The following ARHGAP21 variants were observed in gnomAD, a reference collection of about 807,000 sequenced individuals.
ARHGAP21 encodes Rho GTPase activating protein 21.
Under a neutral mutation model 164.6 loss-of-function variants are expected in ARHGAP21, and 38 were observed. That is an observed-to-expected ratio of 0.23 (90% CI 0.18 to 0.30). The LOEUF (loss-of-function observed/expected upper bound fraction) is 0.30. ARHGAP21 is among the 10% of genes least tolerant of loss of function. The probability of loss-of-function intolerance (pLI) is 1.00; values close to 1 mark genes in which losing one functional copy is unlikely to be tolerated. For missense variants in ARHGAP21, 1,822 were observed against 2,370.7 expected (o/e 0.77, Z 4.81); for synonymous variants, 766 against 857.9 (o/e 0.89, Z 1.87).
chr10:24,631,325 T>C (rs1226575744), intron 6 of ARHGAP21, among the ~76,000 whole-genome samples: 1 of 152,132 alleles, frequency 6.6e-6, no homozygotes, highest in East Asian at 1.9e-4. Context: ...GATCATGCCA[T>C]TGCATTCCAG....
intron 13 of ARHGAP21, 113 bp downstream of exon 13, chr10:24,601,865 T>C (rs2076827410): frequency 8.1e-7 from 1 of 1,240,090 alleles, no homozygotes; most frequent in Non-Finnish European, 1.0e-6. Context: ...ATAAATGGTT[T>C]TTTTTTTCAC....
At chr10:24,690,075 CATT>C (rs1842633011) in intron 2 of ARHGAP21, among the ~76,000 whole-genome samples, 1 of 151,864 alleles carries the variant, frequency 6.6e-6, no homozygotes, top group Non-Finnish European at 1.5e-5. Flanking sequence ...ATACCTACAT[CATT>C]ATTTTTAAAG....
intron 16 of ARHGAP21, 74 bp downstream of exon 16, chr10:24,597,373 G>A: frequency 6.5e-7 from 1 of 1,545,056 alleles, no homozygotes; most frequent in Non-Finnish European, 8.8e-7. Context: ...AAATGGTACA[G>A]AAAACATAAA....
chr10:24,702,053 C>G (rs149707381), intron 2 of ARHGAP21, among the ~76,000 whole-genome samples: 24 of 151,876 alleles, frequency 1.6e-4, no homozygotes, highest in Admixed American at 3.9e-4. Context: ...CATTCAACCC[C>G]TATTTCTAAA....
intron 2 of ARHGAP21, among the ~76,000 whole-genome samples, chr10:24,684,141 G>A (rs1448691912): frequency 6.6e-6 from 1 of 152,072 alleles, no homozygotes; most frequent in Non-Finnish European, 1.5e-5. Flanking sequence ...ACAAAAATTA[G>A]CTGGGCGTGG....
At position 24,619,959 on chromosome 10, in the gene ARHGAP21, T is replaced by C. The variant is rs775620851; in HGVS notation, c.1936A>G (p.Ile646Val). 2 of 1,614,080 alleles carry C rather than the reference T, an allele frequency of 1.2e-6. No homozygotes were observed. Among genetic ancestry groups the C allele is most frequent in the Non-Finnish European group, 1.7e-6 (2 of 1,179,954 alleles). The change falls in exon 9 of 26, where the codon ATC becomes GTC. Residue 646 changes from isoleucine (I) to valine (V), a missense_variant. By Grantham distance (29) the Ile-to-Val change is conservative. Around this residue, in one of 5 missense-constraint regions of ARHGAP21, gnomAD observed 1,090 missense variants for 1,378.9 expected, o/e 0.79. Coordinates refer to ENST00000396432, the MANE Select transcript of ARHGAP21 (RefSeq NM_020824.4). Reference protein sequence around the residue: ...PSFSQKSFVSIKDQRPVNHLH... With the variant: ...PSFSQKSFVSVKDQRPVNHLH... ...TGATTTACTGGTCTTTGGTCTTTGA[T>C]AGAAACAAATGATTTCTGGCTAAAT...
intron 2 of ARHGAP21, among the ~76,000 whole-genome samples, chr10:24,682,040 G>A (rs1321589190): frequency 6.6e-6 from 1 of 151,300 alleles, no homozygotes; most frequent in South Asian, 2.1e-4. Context: ...TCATATTCTT[G>A]TTAAGAAGAT....
chr10:24,649,640 T>A (rs953874254), intron 4 of ARHGAP21, among the ~76,000 whole-genome samples: 1 of 152,072 alleles, frequency 6.6e-6, no homozygotes, highest in Non-Finnish European at 1.5e-5. Context: ...AGAAGAGATT[T>A]TTTGTCTTAG....
At chr10:24,715,882 G>C (rs910145806) in intron 2 of ARHGAP21, among the ~76,000 whole-genome samples, 1 of 152,054 alleles carries the variant, frequency 6.6e-6, no homozygotes, top group African/African-American at 2.4e-5. Flanking sequence ...GCTGGCACAC[G>C]CCTGTAATCC....
chr10:24,592,122 G>C (rs1046037195), intron 21 of ARHGAP21, 110 bp from the exon 22 acceptor site: 3 of 820,704 alleles, frequency 3.7e-6, no homozygotes, highest in Admixed American at 3.2e-5. Context: ...AAATAGCTTT[G>C]ATGTAGATTA....
chr10:24,624,958 C>T (rs1834950615), intron 7 of ARHGAP21, among the ~76,000 whole-genome samples: 1 of 142,874 alleles, frequency 7.0e-6, no homozygotes, highest in African/African-American at 2.6e-5. Context: ...TTAAGTATTA[C>T]ACCTTTTGGA....
rs1355533321 is a variant in ARHGAP21, at chr10:24,722,092, G to A, written c.-193C>T. The stretch of plus-strand genomic sequence containing the variant: ...CCTTCAAATGCCTCGCTGATTTCTC[G>A]TGACTTCAACTGACTTCGCCTTCTT... On this transcript the variant is annotated 5_prime_UTR_variant, in exon 2 of 26. It adds an upstream start codon to the 5' untranslated region. Coordinates refer to ENST00000396432, the MANE Select transcript of ARHGAP21 (RefSeq NM_020824.4). The A allele has an allele frequency of 1.6e-6, 1 of 626,834 alleles. No homozygotes were observed. The highest frequency in any genetic ancestry group is 2.9e-6 in the Non-Finnish European group (1 of 346,164). The allele number at this position is 626,834 out of a possible 1,614,324, so 38.8% of individuals were successfully genotyped here. A position where few individuals can be genotyped will look rare whatever the true frequency, so the allele number is the denominator to read the frequency against.
intron 2 of ARHGAP21, among the ~76,000 whole-genome samples, chr10:24,718,032 A>G (rs563123042): frequency 6.6e-6 from 1 of 152,142 alleles, no homozygotes; most frequent in African/African-American, 2.4e-5. Context: ...GACAAGGCTA[A>G]GTTATTGGGA....
Position 24,620,772 on chromosome 10 carries a change from G to A in ARHGAP21, c.1123C>T (p.His375Tyr). The change falls in exon 9 of 26, where the codon CAC (histidine) becomes TAC (tyrosine). Residue 375 changes from histidine to tyrosine, a missense_variant. By Grantham distance (83) the His-to-Tyr change is moderately conservative (BLOSUM62 2). Transcript: ENST00000396432. The part of the protein sequence containing the change: ...AVEAPSVSVN[H>Y]YSPNSHQHID... ...TGCTGATGGGAATTTGGCGAATAGT[G>A]ATTAACAGATACAGAGGGAGCCTCC... 1 of 1,614,156 alleles carries A rather than the reference G, an allele frequency of 6.2e-7. No individual in the cohort carries two copies. The highest frequency in any genetic ancestry group is 8.5e-7 in the Non-Finnish European group (1 of 1,180,040).
At chr10:24,587,466 A>AAATTTAGGCTGTTCTATCAAAG (rs1278459428) in intron 25 of ARHGAP21, among the ~76,000 whole-genome samples, 1 of 152,106 alleles carries the variant, frequency 6.6e-6, no homozygotes, top group African/African-American at 2.4e-5. Flanking sequence ...CTTAAAGTAA[A>AAATTTAGGCTGTTCTATCAAAG]AATTTAGGCT....
chr10:24,703,514 C>G (rs1843914932), intron 2 of ARHGAP21, among the ~76,000 whole-genome samples: 1 of 152,164 alleles, frequency 6.6e-6, no homozygotes, highest in Non-Finnish European at 1.5e-5. Flanking sequence ...AGGAACAACT[C>G]CAGGCCTTGA....
At chr10:24,689,274 A>AT (rs1354162200) in intron 2 of ARHGAP21, among the ~76,000 whole-genome samples, 4 of 151,926 alleles carry the variant, frequency 2.6e-5, no homozygotes, top group Admixed American at 6.6e-5. Flanking sequence ...CTAATGTATC[A>AT]TTTTTTTTCT....
intron 2 of ARHGAP21, among the ~76,000 whole-genome samples, chr10:24,700,900 C>A (rs575842000): frequency 6.6e-6 from 1 of 152,158 alleles, no homozygotes; most frequent in African/African-American, 2.4e-5. Flanking sequence ...TAGAGTGAGA[C>A]CAGAACATCC....
intron 2 of ARHGAP21, among the ~76,000 whole-genome samples, chr10:24,686,910 T>C (rs775873103): frequency 2.6e-5 from 4 of 152,140 alleles, no homozygotes; most frequent in Non-Finnish European, 5.9e-5. Context: ...CTAAGCCAGG[T>C]GAGGTGACTC....
Sources: gnomAD v4.1 joint callset for allele counts (sites outside exome capture counted in the v4.1 genomes callset) on GRCh38, gnomAD v4.1.1 for gene constraint, gnomAD v4.1.1 regional missense constraint, MANE v1.5 for transcripts, NCBI Gene and HGNC (gene_info 2026-07-23, HGNC 2026-07-21) for gene names.